VSIG10: variants seen among roughly 807,000 people sequenced by gnomAD.
The protein encoded by VSIG10 is V-set and immunoglobulin domain-containing protein 10.
Under a neutral mutation model 58.7 loss-of-function variants are expected in VSIG10, and 48 were observed. That is an observed-to-expected ratio of 0.82 (90% CI 0.65 to 1.04). VSIG10 has a LOEUF of 1.04. Among genes scored for constraint, VSIG10 ranks in the 50% least tolerant of loss-of-function variants. VSIG10 has a pLI of 0.00. For missense variants in VSIG10, 628 were observed against 670.0 expected (o/e 0.94, Z 0.69); for synonymous variants, 260 against 267.1 (o/e 0.97, Z 0.26).
chr12:118,069,708 T>C (rs1337022450), intron 7 of VSIG10, among the ~76,000 whole-genome samples: 1 of 151,906 alleles, frequency 6.6e-6, no homozygotes, highest in Non-Finnish European at 1.5e-5. Flanking sequence ...ATTACAGGCG[T>C]GAGCCACTGC....
chr12:118,084,980 C>T (rs2033076606), intron 2 of VSIG10, among the ~76,000 whole-genome samples: 1 of 152,154 alleles, frequency 6.6e-6, no homozygotes, highest in African/African-American at 2.4e-5. Context: ...GATCGCGCCA[C>T]TGCACTCCAG....
chr12:118,085,326 C>T (rs1480936856), intron 2 of VSIG10, among the ~76,000 whole-genome samples: 2 of 152,154 alleles, frequency 1.3e-5, no homozygotes, highest in Admixed American at 6.6e-5. Flanking sequence ...GTCCCCATCC[C>T]CCAAACCCAA....
At chr12:118,081,678 C>T (rs2032952807) in intron 3 of VSIG10, among the ~76,000 whole-genome samples, 1 of 152,120 alleles carries the variant, frequency 6.6e-6, no homozygotes. Flanking sequence ...TTGAGGGAGC[C>T]ACAGATACAT....
rs543565996 is a variant in VSIG10 at position 118,082,216 on chromosome 12, G to A, written c.575C>T (p.Ser192Leu). ...TVNFFSLLLI[S>L]PNLQGNYTCL... Reference sequence around the variant, plus strand: ...GGTGTAGTTCCCTTGGAGGTTTGGCGATATCAGTAACAGTGAGAAAAAGTT... The same window carrying A: ...GGTGTAGTTCCCTTGGAGGTTTGGCAATATCAGTAACAGTGAGAAAAAGTT... Residue 192 changes from serine (S) to leucine (L), a missense_variant, in exon 3 of 9, where the codon TCG becomes TTG. Physicochemically the swap from Ser to Leu is moderately radical, Grantham distance 145. Coordinates refer to ENST00000359236, the MANE Select transcript of VSIG10 (RefSeq NM_019086.6). 4.3e-6 allele frequency: 7 copies of A among 1,613,880 alleles called. No individual in the cohort carries two copies. The highest frequency in any genetic ancestry group is 4.2e-6 in the Non-Finnish European group (5 of 1,179,884).
intron 4 of VSIG10, among the ~76,000 whole-genome samples, chr12:118,077,639 A>T (rs2032781181): frequency 6.6e-6 from 1 of 152,114 alleles, no homozygotes; most frequent in Non-Finnish European, 1.5e-5. Context: ...GGCAGAAGGG[A>T]TCCCATGTAA....
At chr12:118,095,229 T>TG in intron 2 of VSIG10, among the ~76,000 whole-genome samples, 1 of 151,668 alleles carries the variant, frequency 6.6e-6, no homozygotes, top group Non-Finnish European at 1.5e-5. Context: ...TTAATAGAGA[T>TG]GGGGTTTCAC....
rs560128223 is a variant in VSIG10, at chr12:118,088,833, C to T, written c.362-6404G>A. Reference sequence around the variant, plus strand: ...CAGTCAAGGACCCCATGTATTTCCACGTGAAGAAATTTCCATACTATGAAT... The same window carrying T: ...CAGTCAAGGACCCCATGTATTTCCATGTGAAGAAATTTCCATACTATGAAT... On this transcript the variant is annotated intron_variant, in intron 2 of 8. Transcript: ENST00000359236. Among the ~76,000 whole-genome samples, 40 of 152,218 alleles carry T rather than the reference C, an allele frequency of 2.6e-4. 1 individual carries two copies. In the South Asian group the frequency reaches 7.9e-3, roughly 30 times the overall value.
chr12:118,087,169 C>T (rs1035249301), intron 2 of VSIG10, among the ~76,000 whole-genome samples: 2 of 152,072 alleles, frequency 1.3e-5, no homozygotes, highest in African/African-American at 4.8e-5. Context: ...GAAGCAGAGT[C>T]TCAATCCTAA....
Position 118,103,958 on chromosome 12 carries a change from A to C in VSIG10, c.-287T>G. The C allele has an allele frequency of 9.2e-6, 3 of 325,442 alleles. No homozygotes were observed. The highest frequency in any genetic ancestry group is 4.8e-5 in the East Asian group (1 of 20,718). 20.2% of individuals were successfully genotyped at this position (325,442 alleles called of 1,614,324 possible). A position where few individuals can be genotyped will look rare whatever the true frequency, so the allele number is the denominator to read the frequency against. ...CAGCCTACTCCTGCCGGCGGAAAAC[A>C]ACAGGAGCGGGATCCCTCCCGCCTC... is the stretch of plus-strand genomic sequence containing the variant. On this transcript the variant is annotated 5_prime_UTR_variant, in exon 1 of 9. Coordinates refer to ENST00000359236, the MANE Select transcript of VSIG10 (RefSeq NM_019086.6).
rs60792053 is a variant in VSIG10 at position 118,098,544 on chromosome 12, G to A, written c.80-2730C>T. 3.4e-4 allele frequency among the ~76,000 whole-genome samples: 52 copies of A among 152,302 alleles called. No individual in the cohort carries two copies. In the East Asian group the frequency reaches 0.01, roughly 29 times the overall value. ...ACACAACACACAGAAACCTCCAAGAGTTCACAGTCTAGTGAAGAAAAGAGA... is the reference window on the plus strand; with the variant it reads ...ACACAACACACAGAAACCTCCAAGAATTCACAGTCTAGTGAAGAAAAGAGA... On this transcript the variant is annotated intron_variant, in intron 1 of 8. Coordinates refer to ENST00000359236, the MANE Select transcript of VSIG10 (RefSeq NM_019086.6).
intron 6 of VSIG10, 114 bp from the exon 7 acceptor site, chr12:118,071,181 G>A: frequency 7.6e-7 from 1 of 1,311,720 alleles, no homozygotes; most frequent in African/African-American, 1.5e-5. Context: ...GACTCAATAT[G>A]ACAGGTGATA....
At chr12:118,097,949 G>A (rs1171243598) in intron 1 of VSIG10, among the ~76,000 whole-genome samples, 2 of 151,936 alleles carry the variant, frequency 1.3e-5, no homozygotes, top group African/African-American at 4.8e-5. Context: ...CAAACTACAT[G>A]GTACAGACCC....
At chr12:118,070,364 A>G (rs1016734320) in intron 7 of VSIG10, among the ~76,000 whole-genome samples, 1 of 152,106 alleles carries the variant, frequency 6.6e-6, no homozygotes, top group African/African-American at 2.4e-5. Flanking sequence ...CCTGGGCAAC[A>G]TGGTGAAACC....
chr12:118,078,299 C>T (rs1254514227), intron 4 of VSIG10, among the ~76,000 whole-genome samples: 2 of 152,098 alleles, frequency 1.3e-5, no homozygotes, highest in African/African-American at 2.4e-5. Context: ...GCTGGGACTA[C>T]AGGCATGCGC....
At chr12:118,095,959 T>C in intron 1 of VSIG10, 145 bp from the exon 2 acceptor site, 1 of 1,091,960 alleles carries the variant, frequency 9.2e-7, no homozygotes, top group East Asian at 2.7e-5. Flanking sequence ...GGAGTCCCAC[T>C]CTGTCGCCCA....
chr12:118,099,409 T>C (rs1159586366), intron 1 of VSIG10, among the ~76,000 whole-genome samples: 5 of 151,918 alleles, frequency 3.3e-5, no homozygotes, highest in Admixed American at 2.6e-4. Flanking sequence ...GCTCGCAAAG[T>C]GGTGGGATTA....
intron 1 of VSIG10, among the ~76,000 whole-genome samples, chr12:118,097,548 G>T (rs1435401825): frequency 6.6e-6 from 1 of 152,110 alleles, no homozygotes; most frequent in African/African-American, 2.4e-5. Context: ...CCAGGAGGTA[G>T]AGGTTGCAGT....
At chr12:118,093,119 C>G (rs1239761771) in intron 2 of VSIG10, among the ~76,000 whole-genome samples, 1 of 135,628 alleles carries the variant, frequency 7.4e-6, no homozygotes, top group Non-Finnish European at 1.6e-5. Flanking sequence ...GAAACCCTGT[C>G]TCTGCTAAAA....
chr12:118,094,073 CTGGA>C (rs2033375405), intron 2 of VSIG10, among the ~76,000 whole-genome samples: 1 of 152,150 alleles, frequency 6.6e-6, no homozygotes, highest in Admixed American at 6.6e-5. Context: ...AGCCTTCGCC[CTGGA>C]ATTCAGGCAG....
Sources: gnomAD v4.1 joint callset for allele counts (sites outside exome capture counted in the v4.1 genomes callset) on GRCh38, gnomAD v4.1.1 for gene constraint, MANE v1.5 for transcripts, NCBI Gene and HGNC (gene_info 2026-07-23, HGNC 2026-07-21) for gene names.